ACACA: variants seen among roughly 807,000 people sequenced by gnomAD.
ACACA encodes the protein acetyl-CoA carboxylase alpha.
In ACACA, 103 loss-of-function variants were observed where a neutral mutation model predicts 296.1. That is an observed-to-expected ratio of 0.35 (90% CI 0.30 to 0.41). The LOEUF (loss-of-function observed/expected upper bound fraction) is 0.41, where lower values mean the gene tolerates loss of function less well. Ranked by LOEUF, ACACA falls within the 10% of genes least tolerant of loss-of-function variation. The probability of loss-of-function intolerance (pLI) is 1.00; values close to 1 mark genes in which losing one functional copy is unlikely to be tolerated. For missense variants in ACACA, 1,554 were observed against 2,989.7 expected (o/e 0.52, Z 11.20); for synonymous variants, 953 against 1,038.6 (o/e 0.92, Z 1.58).
intron 1 of ACACA, chr17:37,377,757 G>A: frequency 3.3e-6 from 2 of 609,406 alleles, no homozygotes; most frequent in Non-Finnish European, 5.6e-6. Flanking sequence ...AGTTTTATGA[G>A]CAGGAACTGC....
intron 52 of ACACA, among the ~76,000 whole-genome samples, chr17:37,103,130 T>G (rs2073461713): frequency 6.6e-6 from 1 of 152,358 alleles, no homozygotes; most frequent in Non-Finnish European, 1.5e-5. Flanking sequence ...TATCATGTGT[T>G]GCACACCGAG....
At chr17:37,307,875 A>G (rs2083954872) in intron 3 of ACACA, among the ~76,000 whole-genome samples, 1 of 152,120 alleles carries the variant, frequency 6.6e-6, no homozygotes, top group Admixed American at 6.6e-5. Context: ...GGTGTGAGCC[A>G]CTGTGCCCAG....
At chr17:37,380,074 A>G (rs1286148267) in intron 1 of ACACA, among the ~76,000 whole-genome samples, 3 of 151,916 alleles carry the variant, frequency 2.0e-5, no homozygotes, top group Admixed American at 6.6e-5. Flanking sequence ...GCACATATAC[A>G]CCATGGAATA....
chr17:37,296,301 C>CT (rs369893845), intron 3 of ACACA, among the ~76,000 whole-genome samples: 4,850 of 100,350 alleles, frequency 0.048, 208 homozygotes, highest in African/African-American at 0.099. Context: ...TCTTTGGAGC[C>CT]TTTTTTTTTT....
chr17:37,337,517 G>A (rs1427548161), intron 2 of ACACA, among the ~76,000 whole-genome samples: 2 of 151,696 alleles, frequency 1.3e-5, no homozygotes, highest in African/African-American at 2.4e-5. Flanking sequence ...GCAGTGGCAC[G>A]ATCCTCGTTC....
At chr17:37,185,620 G>A (rs2077502242) in intron 39 of ACACA, among the ~76,000 whole-genome samples, 1 of 151,332 alleles carries the variant, frequency 6.6e-6, no homozygotes, top group Non-Finnish European at 1.5e-5. Flanking sequence ...CCAGGTTAGA[G>A]CACAGTGGCA....
At chr17:37,184,312 A>T (rs1447788481) in intron 39 of ACACA, among the ~76,000 whole-genome samples, 2 of 152,198 alleles carry the variant, frequency 1.3e-5, no homozygotes, top group African/African-American at 4.8e-5. Context: ...ATTAATTCAT[A>T]AAGAACCATC....
Position 37,134,059 on chromosome 17 carries a change from G to A in ACACA, c.5680-3841C>T, listed in dbSNP as rs568931213. On this transcript the variant is annotated intron_variant, in intron 45 of 55. Transcript: ENST00000616317. ...GAATTAAGGGCACCACATAAAAGCC[G>A]GTGATTAGCAGAGACACAATTGTTA... is the stretch of plus-strand genomic sequence containing the variant. Among the ~76,000 whole-genome samples, 7 of 152,278 alleles carry A rather than the reference G, an allele frequency of 4.6e-5. No homozygotes were observed. The East Asian group carries it at 1.3e-3, about 29-fold the overall frequency.
At chr17:37,242,712 CAG>C (rs1400850334) in intron 22 of ACACA, among the ~76,000 whole-genome samples, 1 of 150,798 alleles carries the variant, frequency 6.6e-6, no homozygotes, top group Non-Finnish European at 1.5e-5. Context: ...GCCTTGGCGA[CAG>C]AGCAAGACCC....
chr17:37,276,240 T>C (rs571153212), intron 7 of ACACA, among the ~76,000 whole-genome samples, 191 bp from the exon 8 acceptor site: 50 of 152,244 alleles, frequency 3.3e-4, no homozygotes, highest in Non-Finnish European at 5.9e-4. Context: ...TAAAACCTAA[T>C]GTAGTAAGCT....
chr17:37,271,063 T>C (rs1433441303), intron 9 of ACACA, among the ~76,000 whole-genome samples: 1 of 152,180 alleles, frequency 6.6e-6, no homozygotes, highest in Non-Finnish European at 1.5e-5. Flanking sequence ...GAAATTGCCT[T>C]TTTCATAGAT....
At chr17:37,344,623 A>G (rs2048533420) in intron 1 of ACACA, among the ~76,000 whole-genome samples, 1 of 152,184 alleles carries the variant, frequency 6.6e-6, no homozygotes, top group African/African-American at 2.4e-5. Context: ...AAGACCAAAA[A>G]AGAAATTAAA....
At chr17:37,259,641 T>A (rs972436460) in intron 11 of ACACA, 111 bp from the exon 12 acceptor site, 49 of 1,176,962 alleles carry the variant, frequency 4.2e-5, no homozygotes, top group Non-Finnish European at 5.6e-5. Flanking sequence ...CATCAAAAGC[T>A]TTTAGCCACA....
chr17:37,186,772 T>C (rs2077550614), intron 39 of ACACA, among the ~76,000 whole-genome samples: 1 of 152,142 alleles, frequency 6.6e-6, no homozygotes, highest in Admixed American at 6.5e-5. Flanking sequence ...CAGATGCTTA[T>C]TGTGTGCTTA....
At chr17:37,374,777 T>A (rs766520002) in intron 1 of ACACA, among the ~76,000 whole-genome samples, 5 of 152,222 alleles carry the variant, frequency 3.3e-5, no homozygotes, top group Non-Finnish European at 7.3e-5. Context: ...CTCAGCCCAA[T>A]GGTCATCAGA....
Position 37,259,355 on chromosome 17 carries a change from C to T in ACACA, c.1500+5G>A. 1 of 1,614,132 alleles carries T rather than the reference C, an allele frequency of 6.2e-7. No individual in the cohort carries two copies. The highest frequency in any genetic ancestry group is 8.5e-7 in the Non-Finnish European group (1 of 1,180,018). ...GGCTCTGCAACCCAGATCAGGGAGACTCACCTGGAGCTGTGCTGCAGGGAG... is the reference window on the plus strand; with the variant it reads ...GGCTCTGCAACCCAGATCAGGGAGATTCACCTGGAGCTGTGCTGCAGGGAG... On this transcript the variant is annotated splice_donor_5th_base_variant and intron_variant, in intron 12 of 55. Transcript: ENST00000616317.
chr17:37,115,153 G>A (rs776807817), intron 50 of ACACA, among the ~76,000 whole-genome samples: 15 of 151,416 alleles, frequency 9.9e-5, no homozygotes, highest in Non-Finnish European at 1.8e-4. Context: ...ATTCCTTTGG[G>A]AGAAAAGCTA....
chr17:37,319,777 C>G lies in ACACA; in HGVS notation c.338+10396G>C, dbSNP rs144735102. ...ACCAGCCTGGCCAAGATGGTGAAAC[C>G]CTGTCTCTACTAAAAATACAAAAAA... On this transcript the variant is annotated intron_variant, in intron 3 of 55. Coordinates refer to ENST00000616317, the MANE Select transcript of ACACA (RefSeq NM_198834.3). 3.8e-3 allele frequency among the ~76,000 whole-genome samples: 576 copies of G among 152,132 alleles called. 5 individuals are homozygous for G. The highest frequency in any genetic ancestry group is 5.0e-3 in the Non-Finnish European group (341 of 67,998).
intron 45 of ACACA, among the ~76,000 whole-genome samples, chr17:37,147,033 G>A (rs1368162711): frequency 6.6e-6 from 1 of 151,912 alleles, no homozygotes; most frequent in African/African-American, 2.4e-5. Context: ...CAACAGGATC[G>A]GCACTTGCAC....
Sources: allele counts gnomAD v4.1 joint callset (sites outside exome capture counted in the v4.1 genomes callset), GRCh38; gene constraint gnomAD v4.1.1; transcripts MANE v1.5; gene names NCBI Gene and HGNC (gene_info 2026-07-23, HGNC 2026-07-21).